The following CACNA2D3 variants were observed in gnomAD, a reference collection of about 807,000 sequenced individuals.
CACNA2D3 encodes voltage-dependent calcium channel subunit alpha-2/delta-3.
In CACNA2D3, 60 loss-of-function variants were observed where a neutral mutation model predicts 160.6. That is an observed-to-expected ratio of 0.37 (90% CI 0.30 to 0.46). CACNA2D3 has a LOEUF of 0.46. Ranked by LOEUF, CACNA2D3 falls within the 20% of genes least tolerant of loss-of-function variation. The probability of loss-of-function intolerance (pLI) is 1.00; values close to 1 mark genes in which losing one functional copy is unlikely to be tolerated. For missense variants in CACNA2D3, 1,205 were observed against 1,365.0 expected, an observed-to-expected ratio of 0.88 and a Z score of 1.85; for synonymous variants, 558 against 492.9, an observed-to-expected ratio of 1.13 and a Z score of -1.75.
chr3:54,286,990 C>T (rs943347648), intron 2 of CACNA2D3, among the ~76,000 whole-genome samples: 1 of 152,176 alleles, frequency 6.6e-6, no homozygotes, highest in Non-Finnish European at 1.5e-5. Flanking sequence ...ATTGAAAAGA[C>T]CATCAAGGCT....
intron 35 of CACNA2D3, among the ~76,000 whole-genome samples, chr3:55,054,436 A>G (rs1045410843): frequency 6.6e-6 from 1 of 151,834 alleles, no homozygotes; most frequent in Non-Finnish European, 1.5e-5. Context: ...TGAATATATA[A>G]CACTCAGTGA....
intron 2 of CACNA2D3, among the ~76,000 whole-genome samples, chr3:54,213,077 T>A (rs1190247072): frequency 2.0e-5 from 3 of 152,136 alleles, no homozygotes; most frequent in Non-Finnish European, 2.9e-5. Context: ...CATCAATTGT[T>A]TATTGTGACC....
At chr3:54,184,926 A>G (rs1700854653) in intron 2 of CACNA2D3, among the ~76,000 whole-genome samples, 1 of 152,232 alleles carries the variant, frequency 6.6e-6, no homozygotes, top group Admixed American at 6.5e-5. Context: ...CTTAGTGACC[A>G]GGGACGTAGG....
chr3:54,713,777 C>A (rs1277909362), intron 11 of CACNA2D3, among the ~76,000 whole-genome samples: 2 of 152,204 alleles, frequency 1.3e-5, no homozygotes, highest in African/African-American at 4.8e-5. Context: ...ACTCTCCTGC[C>A]TGGCTGGGGC....
chr3:54,597,827 T>G (rs1293021723), intron 9 of CACNA2D3, among the ~76,000 whole-genome samples: 1 of 152,216 alleles, frequency 6.6e-6, no homozygotes, highest in Non-Finnish European at 1.5e-5. Context: ...GGGGTGAATT[T>G]AAATTCTGTT....
chr3:54,817,762 T>C (rs1338987921), intron 14 of CACNA2D3, among the ~76,000 whole-genome samples: 2 of 152,226 alleles, frequency 1.3e-5, no homozygotes, highest in East Asian at 1.9e-4. Flanking sequence ...TCAGACCATA[T>C]GGACAACCAG....
chr3:54,552,530 C>A (rs1389500596), intron 5 of CACNA2D3, among the ~76,000 whole-genome samples: 1 of 152,118 alleles, frequency 6.6e-6, no homozygotes, highest in African/African-American at 2.4e-5. Flanking sequence ...AGCAAACTTC[C>A]GCTTTGAGCA....
chr3:54,524,647 T>A (rs1413486847), intron 5 of CACNA2D3, among the ~76,000 whole-genome samples: 1 of 152,164 alleles, frequency 6.6e-6, no homozygotes, highest in Non-Finnish European at 1.5e-5. Context: ...AGTTTTTACT[T>A]CATGAAATTT....
intron 12 of CACNA2D3, among the ~76,000 whole-genome samples, chr3:54,763,197 A>G (rs1318280556): frequency 6.6e-6 from 1 of 152,138 alleles, no homozygotes; most frequent in Non-Finnish European, 1.5e-5. Flanking sequence ...TCAAACATGC[A>G]AAGGGCAAAA....
chr3:54,193,737 C>G (rs932423777), intron 2 of CACNA2D3, among the ~76,000 whole-genome samples: 1 of 152,168 alleles, frequency 6.6e-6, no homozygotes, highest in African/African-American at 2.4e-5. Context: ...GAAGAATATT[C>G]TCCTTCGAGG....
chr3:55,062,705 C>T (rs1412715985), intron 35 of CACNA2D3, among the ~76,000 whole-genome samples: 1 of 152,074 alleles, frequency 6.6e-6, no homozygotes, highest in Non-Finnish European at 1.5e-5. Flanking sequence ...ACTGGGAAAC[C>T]ATTTGTTTTC....
At chr3:54,475,039 C>T (rs1314827184) in intron 4 of CACNA2D3, among the ~76,000 whole-genome samples, 2 of 152,194 alleles carry the variant, frequency 1.3e-5, no homozygotes, top group Non-Finnish European at 2.9e-5. Flanking sequence ...TGACTGAGCA[C>T]AGACTCTTGG....
chr3:54,132,478 C>T (rs755873740), intron 2 of CACNA2D3, among the ~76,000 whole-genome samples: 4 of 152,142 alleles, frequency 2.6e-5, no homozygotes, highest in African/African-American at 7.2e-5. Flanking sequence ...GCCACCTGGT[C>T]GCCCTGAAGT....
At chr3:55,061,434 G>T (rs1704502587) in intron 35 of CACNA2D3, among the ~76,000 whole-genome samples, 1 of 152,190 alleles carries the variant, frequency 6.6e-6, no homozygotes, top group East Asian at 1.9e-4. Flanking sequence ...ACTGCAGGGT[G>T]ATCAGGCAAT....
chr3:54,619,197 A>G (rs1698927896), intron 9 of CACNA2D3, among the ~76,000 whole-genome samples: 1 of 152,202 alleles, frequency 6.6e-6, no homozygotes, highest in African/African-American at 2.4e-5. Flanking sequence ...ACAAGTCCAC[A>G]TGACCTCACA....
chr3:54,633,005 C>T (rs565812680), intron 10 of CACNA2D3, among the ~76,000 whole-genome samples: 1 of 152,258 alleles, frequency 6.6e-6, no homozygotes, highest in South Asian at 2.1e-4. Flanking sequence ...CTCAGTTGCA[C>T]ATGTGCAGTC....
chr3:54,449,154 A>G (rs1376300263), intron 4 of CACNA2D3, among the ~76,000 whole-genome samples: 1 of 152,228 alleles, frequency 6.6e-6, no homozygotes, highest in African/African-American at 2.4e-5. Flanking sequence ...CCAAGAATCA[A>G]TACGTGTTCT....
chr3:54,309,967 T>G (rs1285698007), intron 2 of CACNA2D3, among the ~76,000 whole-genome samples: 2 of 151,888 alleles, frequency 1.3e-5, no homozygotes, highest in Non-Finnish European at 2.9e-5. Context: ...TTCTCTCTCT[T>G]CATCATTTCT....
intron 11 of CACNA2D3, among the ~76,000 whole-genome samples, chr3:54,740,803 A>G (rs375000577): frequency 6.6e-6 from 1 of 152,274 alleles, no homozygotes; most frequent in African/African-American, 2.4e-5. Flanking sequence ...AATAGAAATG[A>G]CAAGAACTTG....
Sources: gnomAD v4.1 joint callset for allele counts (sites outside exome capture counted in the v4.1 genomes callset) on GRCh38, gnomAD v4.1.1 for gene constraint, MANE v1.5 for transcripts, NCBI Gene and HGNC (gene_info 2026-07-23, HGNC 2026-07-21) for gene names.